GDAP2: variants seen among roughly 807,000 people sequenced by gnomAD.
The protein encoded by GDAP2 is ganglioside induced differentiation associated protein 2, also known as ganglioside-induced differentiation-associated protein 2.
Under a neutral mutation model 67.0 loss-of-function variants are expected in GDAP2, and 51 were observed. The ratio of observed to expected loss-of-function variants is 0.76; its 90% confidence interval spans 0.61 to 0.96. The LOEUF is 0.96. Among genes scored for constraint, GDAP2 ranks in the 40% least tolerant of loss-of-function variants. The probability of loss-of-function intolerance (pLI) is 0.00; values close to 1 mark genes in which losing one functional copy is unlikely to be tolerated. For synonymous variants in GDAP2, 203 were observed against 207.3 expected (o/e 0.98, Z 0.18); for missense variants, 547 against 588.3 (o/e 0.93, Z 0.73).
chr1:117,913,375 C>G (rs1259990712), intron 3 of GDAP2: 1 of 151,938 alleles, frequency 6.6e-6, no homozygotes, highest in Non-Finnish European at 1.5e-5. Flanking sequence ...AACAACCCCT[C>G]CCCCAGCCAG....
At chr1:117,903,635 T>C (rs1649555823) in intron 6 of GDAP2, among the ~76,000 whole-genome samples, 1 of 151,912 alleles carries the variant, frequency 6.6e-6, no homozygotes, top group South Asian at 2.1e-4. Flanking sequence ...TACTTTGGGG[T>C]AGTATACAAT....
chr1:117,887,190 A>G (rs903710151), intron 9 of GDAP2, among the ~76,000 whole-genome samples: 8 of 152,044 alleles, frequency 5.3e-5, no homozygotes, highest in Admixed American at 2.6e-4. Context: ...TCCACCTCCC[A>G]AAGTGCTGCA....
rs1472772470 is a variant in GDAP2, at chr1:117,870,592, A to G, written c.1471T>C (p.Tyr491His). The G allele has an allele frequency of 6.2e-7, 1 of 1,606,628 alleles. No individual in the cohort carries two copies. The highest frequency in any genetic ancestry group is 1.7e-5 in the Admixed American group (1 of 59,984). The change falls in exon 14 of 14, where the codon TAT becomes CAT. Residue 491 changes from tyrosine to histidine, a missense_variant. By Grantham distance (83) the Tyr-to-His change is moderately conservative (BLOSUM62 2). Transcript: ENST00000369443. The stretch of plus-strand genomic sequence containing the variant: ...GGTCACAAATCTGGTGATGGGGGAT[A>G]TGATGTATAGTAAGGCCCGTTTTCC... ...ARENGPYYTS[Y>H]PPSPDL
chr1:117,920,291 A>C lies in GDAP2; in HGVS notation c.67T>G (p.Cys23Gly), dbSNP rs1415208785. The C allele has an allele frequency of 3.1e-6, 5 of 1,610,164 alleles. No individual in the cohort carries two copies. In the South Asian group the frequency reaches 5.5e-5, roughly 18 times the overall value. ...VDTLPSWGDS[C>G]QDELNSSDTT... ...TCAGAGGAATTTAATTCATCTTGGC[A>C]TGAGTCACCCCAGCTTGGTAGTGTA... Residue 23 changes from cysteine (C) to glycine (G), a missense_variant, in exon 2 of 14, where the codon TGC (cysteine) becomes GGC (glycine). Transcript: ENST00000369443.
intron 6 of GDAP2, among the ~76,000 whole-genome samples, chr1:117,903,088 T>C (rs754370469): frequency 2.6e-5 from 4 of 152,196 alleles, no homozygotes; most frequent in Non-Finnish European, 5.9e-5. Flanking sequence ...TGTGTAGAAA[T>C]ACAATTTATT....
At chr1:117,902,346 C>T (rs549567100) in intron 6 of GDAP2, among the ~76,000 whole-genome samples, 22 of 152,204 alleles carry the variant, frequency 1.4e-4, no homozygotes, top group African/African-American at 5.3e-4. Context: ...GCTTTTTGTG[C>T]TTTTGGTGCC....
Position 117,869,556 on chromosome 1 carries a change from A to G in GDAP2, c.*1013T>C, listed in dbSNP as rs1648184638. Reference sequence around the variant, plus strand: ...GATACCTCTGTGAGGTAGGCAGCATAATTCTAATTTTTACTCATAACCAAG... The same window carrying G: ...GATACCTCTGTGAGGTAGGCAGCATGATTCTAATTTTTACTCATAACCAAG... On this transcript the variant is annotated 3_prime_UTR_variant, in exon 14 of 14. Transcript: ENST00000369443. 6.6e-6 allele frequency: 1 copy of G among 152,634 alleles called. No individual in the cohort carries two copies. The highest frequency in any genetic ancestry group is 6.5e-5 in the Admixed American group (1 of 15,270). 9.5% of individuals were successfully genotyped at this position (152,634 alleles called of 1,614,324 possible). A position where few individuals can be genotyped will look rare whatever the true frequency, so the allele number is the denominator to read the frequency against.
At position 117,869,455 on chromosome 1, in the gene GDAP2, T is replaced by C. The variant is rs993820570; in HGVS notation, c.*1114A>G. 2 of 152,552 alleles carry C rather than the reference T, an allele frequency of 1.3e-5. No individual in the cohort carries two copies. The highest frequency in any genetic ancestry group is 2.9e-5 in the Non-Finnish European group (2 of 68,024). The allele number at this position is 152,552 out of a possible 1,614,324, so 9.4% of individuals were successfully genotyped here. A position where few individuals can be genotyped will look rare whatever the true frequency, so the allele number is the denominator to read the frequency against. On this transcript the variant is annotated 3_prime_UTR_variant, in exon 14 of 14. Coordinates refer to ENST00000369443, the MANE Select transcript of GDAP2 (RefSeq NM_017686.4). ...AGGAGTGCTGTGTAGCATTCCCTCATATATATTTATTCCCATTTAAAAACT... is the reference window on the plus strand; with the variant it reads ...AGGAGTGCTGTGTAGCATTCCCTCACATATATTTATTCCCATTTAAAAACT...
intron 3 of GDAP2, chr1:117,913,379 C>T (rs778064415): frequency 6.6e-6 from 1 of 151,690 alleles, no homozygotes; most frequent in Non-Finnish European, 1.5e-5. Flanking sequence ...ACCCCTCCCC[C>T]AGCCAGCACA....
intron 5 of GDAP2, among the ~76,000 whole-genome samples, chr1:117,907,256 C>T (rs539306024): frequency 6.6e-6 from 1 of 152,258 alleles, no homozygotes; most frequent in Admixed American, 6.5e-5. Flanking sequence ...ATGTTGTCCC[C>T]CAGGGTTCTG....
intron 6 of GDAP2, among the ~76,000 whole-genome samples, chr1:117,901,429 C>T (rs1008061568): frequency 2.6e-5 from 4 of 152,216 alleles, no homozygotes; most frequent in Non-Finnish European, 2.9e-5. Flanking sequence ...TTAACTTTTT[C>T]ATGAACTGCC....
At chr1:117,929,058 C>T (rs1474253438) in intron 1 of GDAP2, among the ~76,000 whole-genome samples, 1 of 152,130 alleles carries the variant, frequency 6.6e-6, no homozygotes, top group Non-Finnish European at 1.5e-5. Flanking sequence ...ACCCACCCCT[C>T]ACCCGAGGTG....
intron 3 of GDAP2, among the ~76,000 whole-genome samples, chr1:117,917,786 A>G (rs759016926): frequency 1.3e-5 from 2 of 152,190 alleles, no homozygotes; most frequent in African/African-American, 2.4e-5. Flanking sequence ...CACACATGCC[A>G]TTAGGAATTT....
chr1:117,925,148 G>C (rs112513320), intron 1 of GDAP2, among the ~76,000 whole-genome samples: 1,754 of 152,224 alleles, frequency 0.012, 33 homozygotes, highest in African/African-American at 0.04. Flanking sequence ...CATGCTTACA[G>C]AACATTTGAA....
At chr1:117,880,623 G>C (rs1057187781) in intron 12 of GDAP2, among the ~76,000 whole-genome samples, 1 of 152,202 alleles carries the variant, frequency 6.6e-6, no homozygotes, top group Non-Finnish European at 1.5e-5. Flanking sequence ...CTGTTGAAGA[G>C]AGCTTCTTTA....
At position 117,920,239 on chromosome 1, in the gene GDAP2, T is replaced by C. The variant is rs1199384008; in HGVS notation, c.119A>G (p.Asp40Gly). Residue 40 changes from aspartate (D) to glycine (G), a missense_variant, in exon 2 of 14, where the codon GAC becomes GGC. Physicochemically the swap from Asp to Gly is moderately conservative, Grantham distance 94. Transcript: ENST00000369443. ...ATAAAGAAAAGGTGATCGAACAGTG[T>C]CTTCCTGAAATATTTCAGCTGTAGT... ...SDTTAEIFQE[D>G]TVRSPFLYNK... 6.2e-7 allele frequency: 1 copy of C among 1,609,912 alleles called. No homozygotes were observed. The highest frequency in any genetic ancestry group is 8.5e-7 in the Non-Finnish European group (1 of 1,176,562).
Position 117,867,813 on chromosome 1 carries a change from T to C in GDAP2, c.*2756A>G, listed in dbSNP as rs1648129018. The C allele has an allele frequency of 6.6e-6, 1 of 152,210 alleles. No individual in the cohort carries two copies. Among genetic ancestry groups the C allele is most frequent in the Non-Finnish European group, 1.5e-5 (1 of 68,034 alleles). The allele number at this position is 152,210 out of a possible 1,614,324, so 9.4% of individuals were successfully genotyped here. A position where few individuals can be genotyped will look rare whatever the true frequency, so the allele number is the denominator to read the frequency against. ...GTACCATTTGCCCTCACGAGTCTAA[T>C]AAAGGCTGAACCTTTTTTAAGAGGT... is the stretch of plus-strand genomic sequence containing the variant. On this transcript the variant is annotated 3_prime_UTR_variant, in exon 14 of 14. Coordinates refer to ENST00000369443, the MANE Select transcript of GDAP2 (RefSeq NM_017686.4).
intron 7 of GDAP2, among the ~76,000 whole-genome samples, chr1:117,898,414 C>T (rs112954103): frequency 0.012 from 1,752 of 152,238 alleles, 33 homozygotes; most frequent in African/African-American, 0.04. Flanking sequence ...AAGATTTTGG[C>T]TTGGTGCTCA....
chr1:117,866,567 A>G lies in GDAP2; in HGVS notation c.*4002T>C, dbSNP rs1648067633. On this transcript the variant is annotated 3_prime_UTR_variant, in exon 14 of 14. Coordinates refer to ENST00000369443, the MANE Select transcript of GDAP2 (RefSeq NM_017686.4). Reference sequence around the variant, plus strand: ...TACAACTTAAGAAAACTATAATCAGAAACCTGGCCAGGCACAGTGGCTTAT... The same window carrying G: ...TACAACTTAAGAAAACTATAATCAGGAACCTGGCCAGGCACAGTGGCTTAT... The G allele has an allele frequency of 6.6e-6, 1 of 152,182 alleles. No individual in the cohort carries two copies. The highest frequency in any genetic ancestry group is 1.5e-5 in the Non-Finnish European group (1 of 68,032). The allele number at this position is 152,182 out of a possible 1,614,324, so 9.4% of individuals were successfully genotyped here. A position where few individuals can be genotyped will look rare whatever the true frequency, so the allele number is the denominator to read the frequency against.
Sources: gnomAD v4.1 joint callset for allele counts (sites outside exome capture counted in the v4.1 genomes callset) on GRCh38, gnomAD v4.1.1 for gene constraint, MANE v1.5 for transcripts, NCBI Gene and HGNC (gene_info 2026-07-23, HGNC 2026-07-21) for gene names.